The following ZNF17 variants were observed in gnomAD, a reference collection of about 807,000 sequenced individuals.
ZNF17 encodes zinc finger protein 17.
In ZNF17, 4 loss-of-function variants were observed where a neutral mutation model predicts 7.7. The observed-to-expected ratio is 0.52, with a 90% CI of 0.26 to 1.20. The LOEUF (loss-of-function observed/expected upper bound fraction) is 1.20. ZNF17 is among the 50% of genes most tolerant of loss of function. The pLI, the probability that ZNF17 is intolerant of heterozygous loss-of-function variation, is 0.14. For missense variants in ZNF17, 738 were observed against 799.5 expected, an observed-to-expected ratio of 0.92 and a Z score of 0.93; for synonymous variants, 249 against 258.8, an observed-to-expected ratio of 0.96 and a Z score of 0.36.
chr19:57,420,209 T>C lies in ZNF17; in HGVS notation c.723T>C (p.Asn241=), dbSNP rs2088839423. 1.2e-6 allele frequency: 2 copies of C among 1,613,096 alleles called. No individual in the cohort carries two copies. Among genetic ancestry groups the C allele is most frequent in the Admixed American group, 1.7e-5 (1 of 60,000 alleles). ...YNSDLIKHQR[N]HTGERPYKCS... is the part of the protein sequence containing the mutation. Reference sequence around the variant, plus strand: ...CCGACCTTATTAAACATCAGCGAAATCATACTGGAGAAAGGCCTTATAAGT... The same window carrying C: ...CCGACCTTATTAAACATCAGCGAAACCATACTGGAGAAAGGCCTTATAAGT... Residue 241 remains asparagine (N), a synonymous_variant, in exon 4 of 4, where the codon AAT becomes AAC. Transcript: ENST00000307658.
Position 57,418,041 on chromosome 19 carries a change from A to G in ZNF17, c.148+3A>G. ...CTTTGCACTTTTGTCCTCAGTAGGTAAGGCCCTGACACCTACGTCAGTGTC... is the reference window on the plus strand; with the variant it reads ...CTTTGCACTTTTGTCCTCAGTAGGTGAGGCCCTGACACCTACGTCAGTGTC... On this transcript the variant is annotated splice_donor_region_variant and intron_variant, in intron 3 of 3. Coordinates refer to ENST00000307658, the MANE Select transcript of ZNF17 (RefSeq NM_001330617.2). 2.5e-6 allele frequency: 4 copies of G among 1,612,698 alleles called. No homozygotes were observed. Among genetic ancestry groups the G allele is most frequent in the Non-Finnish European group, 3.4e-6 (4 of 1,179,306 alleles).
intron 1 of ZNF17, chr19:57,413,247 T>C (rs1364545154): frequency 1.3e-5 from 3 of 237,690 alleles, no homozygotes; most frequent in African/African-American, 6.6e-5. Context: ...CCGTAAGAAG[T>C]GGGAAAAATA....
rs979217429 is a variant in ZNF17, at chr19:57,413,592, A to T, written c.-20-4A>T. 9 of 1,535,834 alleles carry T rather than the reference A, an allele frequency of 5.9e-6. No homozygotes were observed. The highest frequency in any genetic ancestry group is 7.8e-6 in the Non-Finnish European group (9 of 1,146,908). On this transcript the variant is annotated splice_region_variant and splice_polypyrimidine_tract_variant and intron_variant, in intron 1 of 3. Coordinates refer to ENST00000307658, the MANE Select transcript of ZNF17 (RefSeq NM_001330617.2). The stretch of plus-strand genomic sequence containing the variant: ...TAATCCTCATGGCCTGCCTCTTCCC[A>T]CAGGGTTCATAGCAGTGGCAGCAAT...
At chr19:57,412,632 G>A (rs2088785375) in intron 1 of ZNF17, among the ~76,000 whole-genome samples, 2 of 151,804 alleles carry the variant, frequency 1.3e-5, no homozygotes. Flanking sequence ...TTTTAGTAGA[G>A]ACGGGGTTTC....
intron 3 of ZNF17, among the ~76,000 whole-genome samples, chr19:57,418,885 T>C (rs2088828765): frequency 2.2e-5 from 1 of 44,534 alleles, no homozygotes; most frequent in African/African-American, 2.9e-4. Context: ...CGTTTTTTGT[T>C]TTTTTTTTGT....
Position 57,420,885 on chromosome 19 carries a change from T to C in ZNF17, c.1399T>C (p.Ser467Pro), listed in dbSNP as rs776936725. ...FTLNRHQRVH[S>P]GERPYECSEC... ...ACTGAATAGACATCAGAGAGTTCACTCTGGAGAGAGGCCTTATGAATGCAG... is the reference window on the plus strand; with the variant it reads ...ACTGAATAGACATCAGAGAGTTCACCCTGGAGAGAGGCCTTATGAATGCAG... Residue 467 changes from serine (S) to proline (P), a missense_variant, in exon 4 of 4, where the codon TCT becomes CCT. By Grantham distance (74) the Ser-to-Pro change is moderately conservative. Around this residue, in one of 3 missense-constraint regions of ZNF17, gnomAD observed 616 missense variants for 663.9 expected, o/e 0.93. Coordinates refer to ENST00000307658, the MANE Select transcript of ZNF17 (RefSeq NM_001330617.2). The C allele has an allele frequency of 6.2e-7, 1 of 1,613,884 alleles. No individual in the cohort carries two copies. The highest frequency in any genetic ancestry group is 8.5e-7 in the Non-Finnish European group (1 of 1,179,964).
In ZNF17 at chr19:57,419,549, T is replaced by G. The variant is rs894140141; in HGVS notation, c.149-86T>G. Reference sequence around the variant, plus strand: ...CCTGTCACCAATCCCATGGTCTTATTTGTGAGTTGGTCTGACAGACATTTG... The same window carrying G: ...CCTGTCACCAATCCCATGGTCTTATGTGTGAGTTGGTCTGACAGACATTTG... On this transcript the variant is annotated intron_variant, in intron 3 of 3. Transcript: ENST00000307658. 9 of 1,407,708 alleles carry G rather than the reference T, an allele frequency of 6.4e-6. No individual in the cohort carries two copies. The African/African-American group carries it at 1.3e-4, about 20-fold the overall frequency. 87.2% of individuals were successfully genotyped at this position (1,407,708 alleles called of 1,614,324 possible).
chr19:57,411,214 G>A lies in ZNF17; in HGVS notation c.-213G>A. The A allele has an allele frequency of 3.5e-6, 3 of 855,356 alleles. No homozygotes were observed. Among genetic ancestry groups the A allele is most frequent in the Non-Finnish European group, 5.3e-6 (3 of 566,286 alleles). 53.0% of individuals were successfully genotyped at this position (855,356 alleles called of 1,614,324 possible). Reference sequence around the variant, plus strand: ...CTGCGTTGGGATCTGTTCACCTTCAGGCTGAGTCGAGACTGAGGTGAAAAA... The same window carrying A: ...CTGCGTTGGGATCTGTTCACCTTCAAGCTGAGTCGAGACTGAGGTGAAAAA... On this transcript the variant is annotated 5_prime_UTR_variant, in exon 1 of 4. Coordinates refer to ENST00000307658, the MANE Select transcript of ZNF17 (RefSeq NM_001330617.2).
At chr19:57,416,573 C>T (rs1470764312) in intron 2 of ZNF17, among the ~76,000 whole-genome samples, 3 of 151,816 alleles carry the variant, frequency 2.0e-5, no homozygotes, top group Non-Finnish European at 4.4e-5. Flanking sequence ...TGCAGTGGCG[C>T]GATCTCGGCT....
intron 1 of ZNF17, 170 bp from the exon 2 acceptor site, chr19:57,413,426 G>T: frequency 1.6e-6 from 1 of 616,548 alleles, no homozygotes; most frequent in Non-Finnish European, 2.9e-6. Context: ...TACACATAAG[G>T]GCACCGAGAC....
intron 1 of ZNF17, among the ~76,000 whole-genome samples, chr19:57,412,445 AAC>A (rs1246327112): frequency 1.1e-5 from 1 of 93,448 alleles, no homozygotes; most frequent in African/African-American, 4.3e-5. Flanking sequence ...GAATGTGTAA[AAC>A]ATTTTTTTTT....
Position 57,411,222 on chromosome 19 carries a change from C to G in ZNF17, c.-205C>G, listed in dbSNP as rs564627196. 132 of 925,534 alleles carry G rather than the reference C, an allele frequency of 1.4e-4. No homozygotes were observed. In the South Asian group the frequency reaches 1.9e-3, roughly 13 times the overall value. 57.3% of individuals were successfully genotyped at this position (925,534 alleles called of 1,614,324 possible). On this transcript the variant is annotated 5_prime_UTR_variant, in exon 1 of 4. Coordinates refer to ENST00000307658, the MANE Select transcript of ZNF17 (RefSeq NM_001330617.2). ...GGATCTGTTCACCTTCAGGCTGAGT[C>G]GAGACTGAGGTGAAAAAGCGGAAAA...
At chr19:57,418,286 C>G (rs1424641607) in intron 3 of ZNF17, among the ~76,000 whole-genome samples, 1 of 152,172 alleles carries the variant, frequency 6.6e-6, no homozygotes, top group South Asian at 2.1e-4. Context: ...CAAGAATATC[C>G]TAATGACCTT....
chr19:57,421,428 G>A lies in ZNF17; in HGVS notation c.1942G>A (p.Val648Ile), dbSNP rs1254176614. Residue 648 changes from valine to isoleucine, a missense_variant, in exon 4 of 4, where the codon GTC (valine) becomes ATC (isoleucine). Val to Ile is a conservative substitution (Grantham distance 29). This residue lies in a region of ZNF17 where 116 missense variants were observed against 114.0 expected (regional missense o/e 1.02). Transcript: ENST00000307658. ...RPYQCSECGR[V>I]FNQNSHLIQH... The stretch of plus-strand genomic sequence containing the variant: ...TTATCAGTGCAGTGAATGTGGAAGA[G>A]TCTTTAACCAAAATTCTCATCTCAT... The A allele has an allele frequency of 1.2e-6, 2 of 1,612,934 alleles. No individual in the cohort carries two copies. Among genetic ancestry groups the A allele is most frequent in the Admixed American group, 3.3e-5 (2 of 59,780 alleles).
intron 1 of ZNF17, 140 bp downstream of exon 1, chr19:57,411,546 GAGGCGGGGGAGCTCCTGTCAGGGACCTGC>G: frequency 6.9e-7 from 1 of 1,444,400 alleles, no homozygotes; most frequent in African/African-American, 1.4e-5. Flanking sequence ...GCGGTGCTGT[GAGGCGGGGGAGCTCCTGTCAGGGACCTGC>G]ACGTGCGAGG....
In ZNF17 at chr19:57,419,436, C is replaced by T. The variant is rs1168652000; in HGVS notation, c.149-199C>T. 12 of 567,056 alleles carry T rather than the reference C, an allele frequency of 2.1e-5. No individual in the cohort carries two copies. The East Asian group carries it at 3.1e-4, about 15-fold the overall frequency. 35.1% of individuals were successfully genotyped at this position (567,056 alleles called of 1,614,324 possible). ...CACTGTACCACTCCCTATGTTGTTCCCCATCATCAGGACTCTTTCGTTATG... is the reference window on the plus strand; with the variant it reads ...CACTGTACCACTCCCTATGTTGTTCTCCATCATCAGGACTCTTTCGTTATG... On this transcript the variant is annotated intron_variant, in intron 3 of 3. Transcript: ENST00000307658.
At position 57,412,944 on chromosome 19, in the gene ZNF17, C is replaced by T. The variant is rs373219913; in HGVS notation, c.-20-652C>T. Among the ~76,000 whole-genome samples the T allele has an allele frequency of 1.4e-4, 21 of 151,166 alleles. No individual in the cohort carries two copies. In the South Asian group the frequency reaches 4.2e-3, roughly 30 times the overall value. ...CCAGGCTGGAGTGCAGTGGCGTGGT[C>T]TCGGCTCACTGCAACCTCTGCCTCC... On this transcript the variant is annotated intron_variant, in intron 1 of 3. Transcript: ENST00000307658.
intron 1 of ZNF17, 100 bp from the exon 2 acceptor site, chr19:57,413,496 G>T: frequency 1.5e-6 from 2 of 1,298,864 alleles, no homozygotes; most frequent in Non-Finnish European, 2.1e-6. Flanking sequence ...TGTACCCTCA[G>T]ATAACTTTGC....
chr19:57,419,870 C>G lies in ZNF17; in HGVS notation c.384C>G (p.Thr128=), dbSNP rs1465494418. 3.1e-6 allele frequency: 5 copies of G among 1,614,062 alleles called. No individual in the cohort carries two copies. Among genetic ancestry groups the G allele is most frequent in the Middle Eastern group, 1.6e-4 (1 of 6,084 alleles). ...AGGAGCATCTTAGAGAGAAGCTCAC[C>G]AGAAGTGATGAAGGGAGGCCTTCGT... ...HQKEHLREKL[T]RSDEGRPSFV... Residue 128 remains threonine (T), a synonymous_variant, in exon 4 of 4, where the codon ACC becomes ACG. Coordinates refer to ENST00000307658, the MANE Select transcript of ZNF17 (RefSeq NM_001330617.2).
Sources: gnomAD v4.1 joint callset for allele counts (sites outside exome capture counted in the v4.1 genomes callset) on GRCh38, gnomAD v4.1.1 for gene constraint, gnomAD v4.1.1 regional missense constraint, MANE v1.5 for transcripts, NCBI Gene and HGNC (gene_info 2026-07-23, HGNC 2026-07-21) for gene names.